Variants in TMEM232 observed in about 807,000 individuals in gnomAD.
TMEM232 encodes the protein transmembrane protein 232.
In TMEM232, 80 loss-of-function variants were observed where a neutral mutation model predicts 78.8. The ratio of observed to expected loss-of-function variants is 1.01; its 90% confidence interval spans 0.85 to 1.22. The LOEUF (loss-of-function observed/expected upper bound fraction) is 1.22. Among genes scored for constraint, TMEM232 ranks in the 50% most tolerant of loss-of-function variants. The pLI is 0.00. For synonymous variants in TMEM232, 297 were observed against 254.3 expected (o/e 1.17, Z -1.60); for missense variants, 881 against 742.2 (o/e 1.19, Z -2.17).
chr5:110,459,532 C>A (rs1761269546), intron 12 of TMEM232, among the ~76,000 whole-genome samples: 1 of 152,010 alleles, frequency 6.6e-6, no homozygotes, highest in Non-Finnish European at 1.5e-5. Context: ...GTAAAAAGCT[C>A]TTTTAGGAGA....
At chr5:110,695,189 C>T (rs1215777186) in intron 1 of TMEM232, among the ~76,000 whole-genome samples, 2 of 152,192 alleles carry the variant, frequency 1.3e-5, no homozygotes, top group African/African-American at 2.4e-5. Flanking sequence ...GAACAACCTG[C>T]TCCTGAATGA....
chr5:110,478,581 A>G (rs1356768057), intron 12 of TMEM232, among the ~76,000 whole-genome samples: 1 of 151,914 alleles, frequency 6.6e-6, no homozygotes, highest in Non-Finnish European at 1.5e-5. Context: ...TACAGGGTAA[A>G]TTATACAAAA....
At chr5:110,686,462 G>T (rs1793419537) in intron 1 of TMEM232, among the ~76,000 whole-genome samples, 1 of 151,904 alleles carries the variant, frequency 6.6e-6, no homozygotes, top group African/African-American at 2.4e-5. Flanking sequence ...GTCTTCAGAT[G>T]ACTAGAGACT....
chr5:110,596,266 G>C (rs919708904), intron 10 of TMEM232, among the ~76,000 whole-genome samples: 2 of 152,158 alleles, frequency 1.3e-5, no homozygotes, highest in Non-Finnish European at 2.9e-5. Flanking sequence ...AAATCTAGAA[G>C]AAATGGATAA....
chr5:110,579,421 G>A (rs537628179), intron 10 of TMEM232, among the ~76,000 whole-genome samples: 19 of 151,526 alleles, frequency 1.3e-4, no homozygotes, highest in Admixed American at 9.9e-4. Flanking sequence ...AAACTCATTG[G>A]TAAAGATCTT....
chr5:110,592,683 C>A (rs1779672074), intron 10 of TMEM232, among the ~76,000 whole-genome samples: 2 of 151,972 alleles, frequency 1.3e-5, no homozygotes, highest in Non-Finnish European at 2.9e-5. Flanking sequence ...AAACAAAAAA[C>A]AAACAAAAAA....
chr5:110,674,530 C>T (rs1051904471), intron 1 of TMEM232, among the ~76,000 whole-genome samples: 2 of 152,140 alleles, frequency 1.3e-5, no homozygotes, highest in Admixed American at 1.3e-4. Context: ...AAGCAATAAA[C>T]ATCACCTTTT....
At chr5:110,418,770 C>A (rs981489086), downstream of TMEM232, among the ~76,000 whole-genome samples, 1 of 152,104 alleles carries the variant, frequency 6.6e-6, no homozygotes, top group East Asian at 1.9e-4. Context: ...GCCTTAAGGA[C>A]CATGCCTCAG....
chr5:110,437,385 A>G (rs1758556102), intron 12 of TMEM232, among the ~76,000 whole-genome samples: 1 of 152,008 alleles, frequency 6.6e-6, no homozygotes, highest in South Asian at 2.1e-4. Context: ...AATATAAAAA[A>G]TACAATTTTA....
intron 3 of TMEM232, among the ~76,000 whole-genome samples, chr5:110,396,106 A>G (rs1755377942): frequency 6.6e-6 from 1 of 152,200 alleles, no homozygotes; most frequent in Non-Finnish European, 1.5e-5. Context: ...CAGAAAACTT[A>G]CAATTGTGGC....
chr5:110,537,742 C>A (rs1772579477), intron 11 of TMEM232, among the ~76,000 whole-genome samples: 1 of 152,208 alleles, frequency 6.6e-6, no homozygotes, highest in Non-Finnish European at 1.5e-5. Context: ...AGGGGCCAGT[C>A]CTAGTGCAGG....
At chr5:110,722,105 G>A (rs1580794360) in intron 1 of TMEM232, among the ~76,000 whole-genome samples, 1 of 152,028 alleles carries the variant, frequency 6.6e-6, no homozygotes, top group South Asian at 2.1e-4. Context: ...ATGTGGTAGG[G>A]TGGAAATGGA....
At chr5:110,421,004 C>T (rs1580599863) in intron 13 of TMEM232, among the ~76,000 whole-genome samples, 1 of 150,628 alleles carries the variant, frequency 6.6e-6, no homozygotes, top group East Asian at 1.9e-4. Flanking sequence ...AAAAAGAAGA[C>T]ATTATAGGTT....
intron 12 of TMEM232, among the ~76,000 whole-genome samples, chr5:110,452,413 T>C (rs1248182042): frequency 6.6e-6 from 1 of 152,198 alleles, no homozygotes; most frequent in Non-Finnish European, 1.5e-5. Flanking sequence ...TTAAATTTCT[T>C]TGGGATTGAT....
chr5:110,670,476 T>C (rs1427812265), intron 1 of TMEM232, among the ~76,000 whole-genome samples: 1 of 151,934 alleles, frequency 6.6e-6, no homozygotes, highest in African/African-American at 2.4e-5. Flanking sequence ...CTCAACAAAA[T>C]AAAAGAGGAC....
At chr5:110,557,121 G>C (rs764902320) in intron 11 of TMEM232, among the ~76,000 whole-genome samples, 1 of 151,944 alleles carries the variant, frequency 6.6e-6, no homozygotes, top group Non-Finnish European at 1.5e-5. Flanking sequence ...TGAAGAACTC[G>C]TCTTTGAGCT....
chr5:110,582,509 G>C (rs1027685131), intron 10 of TMEM232, among the ~76,000 whole-genome samples: 4 of 151,872 alleles, frequency 2.6e-5, no homozygotes, highest in Non-Finnish European at 5.9e-5. Flanking sequence ...GACTACTAGA[G>C]GTGGAAACGA....
At chr5:110,508,693 C>CTGTT (rs1463776163) in intron 12 of TMEM232, among the ~76,000 whole-genome samples, 1 of 150,532 alleles carries the variant, frequency 6.6e-6, no homozygotes, top group Non-Finnish European at 1.5e-5. Context: ...TCTGGTCAAG[C>CTGTT]TGTTTGTGCT....
At chr5:110,738,729 G>A (rs1799486202), upstream of TMEM232, 2 of 258,192 alleles carry the variant, frequency 7.7e-6, no homozygotes. Flanking sequence ...CACCGGGTAG[G>A]CTCCACCCGC....
Sources: gnomAD v4.1 joint callset for allele counts (sites outside exome capture counted in the v4.1 genomes callset) on GRCh38, gnomAD v4.1.1 for gene constraint, MANE v1.5 for transcripts, NCBI Gene and HGNC (gene_info 2026-07-23, HGNC 2026-07-21) for gene names.